Variants in GRID1 observed in about 807,000 individuals in gnomAD.
GRID1 encodes glutamate receptor ionotropic, delta-1.
In GRID1, 28 loss-of-function variants were observed where a neutral mutation model predicts 98.0. The observed-to-expected ratio is 0.29, with a 90% CI of 0.21 to 0.39. The LOEUF is 0.39. Among genes scored for constraint, GRID1 ranks in the 10% least tolerant of loss-of-function variants. The pLI is 1.00. For synonymous variants in GRID1, 553 were observed against 538.5 expected, an observed-to-expected ratio of 1.03 and a Z score of -0.37; for missense variants, 1,111 against 1,340.5, an observed-to-expected ratio of 0.83 and a Z score of 2.67.
In GRID1 at chr10:86,299,597, T is replaced by C. The variant is rs1404105204; in HGVS notation, c.235+64344A>G. On this transcript the variant is annotated intron_variant, in intron 2 of 15. Coordinates refer to ENST00000327946, the MANE Select transcript of GRID1 (RefSeq NM_017551.3). The stretch of plus-strand genomic sequence containing the variant: ...TCCAAACACCACATGTTCTCACTCA[T>C]AGGAGGGAATTGAACAATGACAACA... Among the ~76,000 whole-genome samples, 7 of 151,452 alleles carry C rather than the reference T, an allele frequency of 4.6e-5. 1 individual carries two copies. The highest frequency in any genetic ancestry group is 3.9e-4 in the East Asian group (2 of 5,126).
At chr10:85,810,321 G>T (rs1842659987) in intron 8 of GRID1, among the ~76,000 whole-genome samples, 1 of 152,186 alleles carries the variant, frequency 6.6e-6, no homozygotes. Context: ...CAGAGCCTGG[G>T]CCCAGGAATG....
intron 4 of GRID1, among the ~76,000 whole-genome samples, chr10:86,054,076 C>T (rs760785192): frequency 6.6e-6 from 1 of 152,192 alleles, no homozygotes; most frequent in African/African-American, 2.4e-5. Context: ...CTAGTCCAGG[C>T]TCCAAAAAGC....
At chr10:86,149,742 T>C (rs1845136804) in intron 3 of GRID1, among the ~76,000 whole-genome samples, 1 of 152,258 alleles carries the variant, frequency 6.6e-6, no homozygotes, top group Non-Finnish European at 1.5e-5. Flanking sequence ...ACACATGTTA[T>C]GATGAAAATG....
At chr10:85,721,725 G>A (rs1258650628) in intron 12 of GRID1, among the ~76,000 whole-genome samples, 1 of 152,186 alleles carries the variant, frequency 6.6e-6, no homozygotes, top group Non-Finnish European at 1.5e-5. Flanking sequence ...TATTTGGGTG[G>A]TTATAAAAGG....
At chr10:85,934,428 AC>A (rs1841899452) in intron 4 of GRID1, among the ~76,000 whole-genome samples, 1 of 149,898 alleles carries the variant, frequency 6.7e-6, no homozygotes, top group African/African-American at 2.4e-5. Context: ...ACACACACAC[AC>A]ACACACACAC....
At chr10:85,828,540 T>A (rs996540033) in intron 8 of GRID1, among the ~76,000 whole-genome samples, 5 of 151,536 alleles carry the variant, frequency 3.3e-5, no homozygotes, top group African/African-American at 1.2e-4. Flanking sequence ...GATTGATAGA[T>A]CACTATCTAG....
At chr10:85,931,335 G>A (rs1008043923) in intron 4 of GRID1, among the ~76,000 whole-genome samples, 14 of 152,110 alleles carry the variant, frequency 9.2e-5, no homozygotes, top group Middle Eastern at 6.8e-3. Context: ...TTTTAATCTG[G>A]AGACACATGT....
intron 2 of GRID1, among the ~76,000 whole-genome samples, chr10:86,243,017 G>A (rs146285654): frequency 3.0e-4 from 45 of 152,202 alleles, no homozygotes; most frequent in African/African-American, 7.0e-4. Context: ...CAGCTTCCTC[G>A]CCTGTAAAAC....
chr10:85,682,447 T>C (rs926388021), intron 12 of GRID1, among the ~76,000 whole-genome samples: 1 of 152,002 alleles, frequency 6.6e-6, no homozygotes, highest in African/African-American at 2.4e-5. Context: ...AATAGGTAAA[T>C]ACATAAATGA....
chr10:85,820,019 AAGGAAGGAAGGC>A lies in GRID1; in HGVS notation c.1233+34465_1233+34476del, dbSNP rs1463072034. ...GAAGGAAGGAAGGAAGGAAGGAAGG[AAGGAAGGAAGGC>A]AGGCAGGCAGGCAGGCAGGCAGGCA... is the stretch of plus-strand genomic sequence containing the variant. On this transcript the variant is annotated intron_variant, in intron 8 of 15. Transcript: ENST00000327946. Among the ~76,000 whole-genome samples, 913 of 112,494 alleles carry A rather than the reference AAGGAAGGAAGGC, an allele frequency of 8.1e-3. 7 individuals carry two copies. Among genetic ancestry groups the A allele is most frequent in the East Asian group, 0.044 (163 of 3,678 alleles). The allele number at this position is 112,494 out of a possible 152,430, so 73.8% of individuals were successfully genotyped here.
intron 4 of GRID1, among the ~76,000 whole-genome samples, chr10:86,116,508 G>C (rs572475762): frequency 2.8e-4 from 43 of 152,250 alleles, no homozygotes; most frequent in Non-Finnish European, 5.3e-4. Flanking sequence ...TTGTCTTAGA[G>C]AGAGGCCAAA....
chr10:86,316,644 G>T (rs961801452), intron 2 of GRID1, among the ~76,000 whole-genome samples: 1 of 152,192 alleles, frequency 6.6e-6, no homozygotes, highest in East Asian at 1.9e-4. Context: ...AGACAGCAAG[G>T]GGTACCTAGC....
intron 4 of GRID1, among the ~76,000 whole-genome samples, chr10:85,980,124 C>T (rs1031724883): frequency 6.6e-6 from 1 of 152,210 alleles, no homozygotes; most frequent in Admixed American, 6.5e-5. Context: ...TCCTCCTTCC[C>T]CACCTGGGAC....
In GRID1 at chr10:85,729,531, A is replaced by G. The variant is rs3812646; in HGVS notation, c.1317T>C (p.Leu439=). 0.028 allele frequency: 45,319 copies of G among 1,605,496 alleles called. 1,386 individuals carry two copies. The highest frequency in any genetic ancestry group is 0.15 in the African/African-American group (11,177 of 74,504). Residue 439 remains leucine (L), a synonymous_variant, in exon 9 of 16, where the codon CTT becomes CTC. Coordinates refer to ENST00000327946, the MANE Select transcript of GRID1 (RefSeq NM_017551.3). ...PMGSRLQGLT[L]KVVTVLEEPF... ...ATCCTACCAAGACAGTCACCACTTTAAGAGTCAATCCTTGGAGGCGGCTGC... is the reference window on the plus strand; with the variant it reads ...ATCCTACCAAGACAGTCACCACTTTGAGAGTCAATCCTTGGAGGCGGCTGC...
chr10:85,625,242 C>T (rs1842898520), intron 13 of GRID1, among the ~76,000 whole-genome samples: 1 of 152,188 alleles, frequency 6.6e-6, no homozygotes. Flanking sequence ...ACACAGACAA[C>T]TAATCCAATC....
At chr10:85,767,914 G>A (rs1842213185) in intron 8 of GRID1, among the ~76,000 whole-genome samples, 1 of 152,188 alleles carries the variant, frequency 6.6e-6, no homozygotes, top group African/African-American at 2.4e-5. Flanking sequence ...AGGCACATTA[G>A]ACACATTGAG....
intron 4 of GRID1, among the ~76,000 whole-genome samples, chr10:85,958,993 AAG>A (rs1842231002): frequency 6.6e-6 from 1 of 151,740 alleles, no homozygotes; most frequent in Non-Finnish European, 1.5e-5. Flanking sequence ...AAGAAAGAAA[AAG>A]AAAAAGAAGC....
chr10:85,925,881 G>A (rs553160572), intron 4 of GRID1, among the ~76,000 whole-genome samples: 1 of 152,302 alleles, frequency 6.6e-6, no homozygotes, highest in South Asian at 2.1e-4. Flanking sequence ...AGCCACTTCT[G>A]CACATGAATC....
intron 3 of GRID1, among the ~76,000 whole-genome samples, chr10:86,200,482 C>A (rs915870003): frequency 7.9e-5 from 12 of 152,188 alleles, no homozygotes; most frequent in African/African-American, 2.9e-4. Context: ...CAGGGGAGGG[C>A]AGGCACAGCC....
Sources: gnomAD v4.1 joint callset for allele counts (sites outside exome capture counted in the v4.1 genomes callset) on GRCh38, gnomAD v4.1.1 for gene constraint, MANE v1.5 for transcripts, NCBI Gene and HGNC (gene_info 2026-07-23, HGNC 2026-07-21) for gene names.